Variants in XRN2 observed in about 807,000 individuals in gnomAD.
XRN2 encodes 5'-3' exoribonuclease 2, also known as DHM1-like protein.
In XRN2, 44 loss-of-function variants were observed where a neutral mutation model predicts 138.5. That is an observed-to-expected ratio of 0.32 (90% confidence interval 0.25 to 0.41). XRN2 has a LOEUF of 0.41. XRN2 is among the 10% of genes least tolerant of loss of function. XRN2 has a pLI of 1.00. For missense variants in XRN2, 937 were observed against 1,169.3 expected (o/e 0.80, Z 2.90); for synonymous variants, 354 against 369.4 (o/e 0.96, Z 0.48).
rs1170743588 is a variant in XRN2 at position 21,303,805 on chromosome 20, C to T, written c.75+332C>T. The T allele has an allele frequency of 3.4e-5, 37 of 1,087,844 alleles. No individual in the cohort carries two copies. In the East Asian group the frequency reaches 7.8e-4, roughly 23 times the overall value. The allele number at this position is 1,087,844 out of a possible 1,614,324, so 67.4% of individuals were successfully genotyped here. A position where few individuals can be genotyped will look rare whatever the true frequency, so the allele number is the denominator to read the frequency against. ...CCTCTCCAGACCGCGCATTTTGGGTCTCGGAAGAGGTTCAGAGGCTGTTGT... is the reference window on the plus strand; with the variant it reads ...CCTCTCCAGACCGCGCATTTTGGGTTTCGGAAGAGGTTCAGAGGCTGTTGT... On this transcript the variant is annotated intron_variant, in intron 1 of 29. Transcript: ENST00000377191.
intron 1 of XRN2, among the ~76,000 whole-genome samples, chr20:21,308,631 A>G (rs79336736): frequency 1.0e-3 from 157 of 152,348 alleles, no homozygotes; most frequent in African/African-American, 3.7e-3. Flanking sequence ...CATCACGGGC[A>G]GGGTGAGGCA....
intron 27 of XRN2, among the ~76,000 whole-genome samples, chr20:21,368,952 T>C (rs1284566463): frequency 1.3e-5 from 2 of 152,164 alleles, no homozygotes; most frequent in African/African-American, 4.8e-5. Context: ...AATGTACAAT[T>C]AAATTATTGA....
intron 1 of XRN2, among the ~76,000 whole-genome samples, chr20:21,316,240 G>A (rs2037957075): frequency 6.6e-6 from 1 of 152,176 alleles, no homozygotes. Flanking sequence ...GGCAACAAGA[G>A]CAAAACTCAG....
intron 1 of XRN2, among the ~76,000 whole-genome samples, chr20:21,325,922 A>G (rs2038122112): frequency 6.6e-6 from 1 of 152,142 alleles, no homozygotes; most frequent in Admixed American, 6.5e-5. Context: ...ATGAAAGGAG[A>G]TGAAGTAGGT....
chr20:21,364,271 A>C (rs1049272378), intron 24 of XRN2, among the ~76,000 whole-genome samples: 1 of 152,152 alleles, frequency 6.6e-6, no homozygotes, highest in Non-Finnish European at 1.5e-5. Context: ...ACTGTTATTC[A>C]TACACTTGGG....
intron 24 of XRN2, among the ~76,000 whole-genome samples, chr20:21,358,984 T>C (rs1360644281): frequency 3.3e-5 from 5 of 152,214 alleles, no homozygotes; most frequent in Non-Finnish European, 7.3e-5. Flanking sequence ...GTTCTCTCTT[T>C]GGATTGTCAC....
chr20:21,330,977 A>G (rs1272738510), intron 6 of XRN2, among the ~76,000 whole-genome samples: 1 of 152,158 alleles, frequency 6.6e-6, no homozygotes, highest in Non-Finnish European at 1.5e-5. Context: ...TATATATAGG[A>G]AAGTAATTTT....
intron 23 of XRN2, among the ~76,000 whole-genome samples, chr20:21,357,059 A>G (rs1448452912): frequency 6.6e-6 from 1 of 152,190 alleles, no homozygotes; most frequent in Non-Finnish European, 1.5e-5. Context: ...GAGATTTTTG[A>G]AAGTATACAA....
chr20:21,389,409 C>T lies in XRN2; in HGVS notation c.*71C>T. 1 of 1,434,640 alleles carries T rather than the reference C, an allele frequency of 7.0e-7. No homozygotes were observed. Among genetic ancestry groups the T allele is most frequent in the South Asian group, 1.3e-5 (1 of 78,822 alleles). The allele number at this position is 1,434,640 out of a possible 1,614,324, so 88.9% of individuals were successfully genotyped here. A position where few individuals can be genotyped will look rare whatever the true frequency, so the allele number is the denominator to read the frequency against. On this transcript the variant is annotated 3_prime_UTR_variant, in exon 30 of 30. Transcript: ENST00000377191. ...ATGCTATTTGTGGAAAGATTTCTTT[C>T]TCAAGTAGTAGTTTTTAATAAAACT...
At chr20:21,369,090 C>G (rs575437105) in intron 27 of XRN2, among the ~76,000 whole-genome samples, 1 of 152,066 alleles carries the variant, frequency 6.6e-6, no homozygotes, top group South Asian at 2.1e-4. Context: ...CTCTGGTAAC[C>G]GTCCTTCTAC....
At chr20:21,327,963 G>A (rs2038150323) in intron 3 of XRN2, among the ~76,000 whole-genome samples, 1 of 152,096 alleles carries the variant, frequency 6.6e-6, no homozygotes, top group African/African-American at 2.4e-5. Context: ...TGATTTAAAA[G>A]TACTTCTGGT....
intron 3 of XRN2, among the ~76,000 whole-genome samples, chr20:21,328,000 A>G (rs757126526): frequency 1.3e-5 from 2 of 152,188 alleles, no homozygotes; most frequent in Admixed American, 6.5e-5. Context: ...TCTAACTGCT[A>G]TGCCTTATTG....
chr20:21,349,351 AC>A (rs755151315), intron 19 of XRN2, 37 bp from the exon 20 acceptor site: 18 of 1,324,920 alleles, frequency 1.4e-5, no homozygotes, highest in Non-Finnish European at 1.7e-5. Flanking sequence ...GAGATGTGTG[AC>A]TTCTGTTTTG....
chr20:21,333,513 A>G (rs770885224), intron 9 of XRN2, 31 bp from the exon 10 acceptor site: 5 of 1,604,806 alleles, frequency 3.1e-6, no homozygotes, highest in African/African-American at 1.3e-5. Flanking sequence ...CGTAGAGTAG[A>G]CTTGTTTCAT....
chr20:21,345,773 A>AT (rs2038428367), intron 16 of XRN2, among the ~76,000 whole-genome samples: 1 of 152,182 alleles, frequency 6.6e-6, no homozygotes, highest in Non-Finnish European at 1.5e-5. Context: ...GTATACATAG[A>AT]TATATAGAGA....
At chr20:21,374,514 GGTATTGAATTTTA>G (rs1419320347) in intron 27 of XRN2, among the ~76,000 whole-genome samples, 3 of 151,928 alleles carry the variant, frequency 2.0e-5, no homozygotes, top group African/African-American at 7.2e-5. Flanking sequence ...GTTTCTAGTG[GGTATTGAATTTTA>G]TCAGATGCTT....
intron 27 of XRN2, among the ~76,000 whole-genome samples, chr20:21,377,850 G>A (rs2038842996): frequency 6.6e-6 from 1 of 152,158 alleles, no homozygotes; most frequent in Non-Finnish European, 1.5e-5. Flanking sequence ...GGGCAGAGAG[G>A]TACTTTTTTG....
At chr20:21,366,535 C>T (rs1453400493) in intron 26 of XRN2, among the ~76,000 whole-genome samples, 29 of 143,788 alleles carry the variant, frequency 2.0e-4, no homozygotes, top group African/African-American at 4.9e-4. Flanking sequence ...CCAGCCTGGG[C>T]GACAGAGGGA....
At chr20:21,320,719 C>T (rs187607551) in intron 1 of XRN2, among the ~76,000 whole-genome samples, 9 of 151,910 alleles carry the variant, frequency 5.9e-5, no homozygotes, top group East Asian at 1.9e-4. Flanking sequence ...CTCAGCCTCC[C>T]GAGTAGCTGG....
Sources: allele counts gnomAD v4.1 joint callset (sites outside exome capture counted in the v4.1 genomes callset), GRCh38; gene constraint gnomAD v4.1.1; transcripts MANE v1.5; gene names NCBI Gene and HGNC (gene_info 2026-07-23, HGNC 2026-07-21).